Variants in NCKAP1 observed in about 807,000 individuals in gnomAD.
The protein encoded by NCKAP1 is NCK associated protein 1.
In NCKAP1, 21 loss-of-function variants were observed where a neutral mutation model predicts 151.2. The ratio of observed to expected loss-of-function variants is 0.14; its 90% CI spans 0.10 to 0.20. NCKAP1 has a LOEUF of 0.20. Ranked by LOEUF, NCKAP1 falls within the 10% of genes least tolerant of loss-of-function variation. NCKAP1 has a pLI of 1.00. For synonymous variants in NCKAP1, 484 were observed against 451.8 expected (o/e 1.07, Z -0.90); for missense variants, 933 against 1,352.1 (o/e 0.69, Z 4.86).
chr2:182,960,869 C>T (rs559332340), intron 18 of NCKAP1, among the ~76,000 whole-genome samples: 19 of 151,896 alleles, frequency 1.3e-4, no homozygotes, highest in Admixed American at 3.9e-4. Context: ...CTACAATGAA[C>T]TCAAACAAAT....
At chr2:182,928,930 G>T in intron 27 of NCKAP1, 31 bp from the exon 28 acceptor site, 1 of 1,382,816 alleles carries the variant, frequency 7.2e-7, no homozygotes, top group Non-Finnish European at 1.0e-6. Context: ...ATAAAATCAA[G>T]GTATTTCTTC....
intron 24 of NCKAP1, 92 bp downstream of exon 24, chr2:182,941,978 T>C: frequency 2.1e-6 from 2 of 962,468 alleles, no homozygotes; most frequent in Admixed American, 2.3e-5. Context: ...CATAATTTAC[T>C]ACTTGTATTT....
At chr2:182,973,710 C>T (rs1353499695) in intron 15 of NCKAP1, among the ~76,000 whole-genome samples, 1 of 152,164 alleles carries the variant, frequency 6.6e-6, no homozygotes, top group Admixed American at 6.5e-5. Context: ...GCACTTCTAC[C>T]TGAAACCAAA....
chr2:182,978,308 T>C (rs1276932002), intron 14 of NCKAP1, among the ~76,000 whole-genome samples: 2 of 152,220 alleles, frequency 1.3e-5, no homozygotes, highest in Non-Finnish European at 2.9e-5. Context: ...AAGGTGATTA[T>C]ATGACATCAA....
chr2:182,960,249 A>G (rs1362025739), intron 18 of NCKAP1, among the ~76,000 whole-genome samples: 1 of 152,196 alleles, frequency 6.6e-6, no homozygotes, highest in Non-Finnish European at 1.5e-5. Context: ...TTCATATGGA[A>G]CCAAAAAAGA....
At chr2:183,011,027 C>G (rs1698581265) in intron 2 of NCKAP1, among the ~76,000 whole-genome samples, 1 of 152,178 alleles carries the variant, frequency 6.6e-6, no homozygotes. Flanking sequence ...AAGATGGCCT[C>G]AGATGCTACT....
chr2:183,036,804 A>C (rs1474685808), intron 1 of NCKAP1, among the ~76,000 whole-genome samples: 2 of 149,786 alleles, frequency 1.3e-5, no homozygotes, highest in Admixed American at 6.6e-5. Context: ...AAACGCTTGG[A>C]AATGAATTTC....
At chr2:182,979,500 A>G (rs1697895000) in intron 13 of NCKAP1, among the ~76,000 whole-genome samples, 1 of 152,134 alleles carries the variant, frequency 6.6e-6, no homozygotes, top group Admixed American at 6.5e-5. Context: ...ATTCCTTTTA[A>G]AAAGTGGATG....
intron 17 of NCKAP1, among the ~76,000 whole-genome samples, chr2:182,962,970 T>C (rs958576040): frequency 2.0e-5 from 3 of 152,096 alleles, no homozygotes; most frequent in African/African-American, 7.2e-5. Flanking sequence ...GCACTACACA[T>C]TTCTAATACT....
intron 23 of NCKAP1, among the ~76,000 whole-genome samples, chr2:182,950,704 C>G (rs1258878025): frequency 6.6e-6 from 1 of 152,098 alleles, no homozygotes; most frequent in Admixed American, 6.6e-5. Flanking sequence ...AGACATTATG[C>G]TGAGTACCTA....
intron 2 of NCKAP1, among the ~76,000 whole-genome samples, chr2:183,023,362 A>G (rs1048416520): frequency 6.6e-6 from 1 of 152,152 alleles, no homozygotes; most frequent in Non-Finnish European, 1.5e-5. Context: ...TTTAGAAATC[A>G]TTGTCAATTA....
At chr2:182,966,809 T>C (rs1697581719) in intron 16 of NCKAP1, among the ~76,000 whole-genome samples, 2 of 152,222 alleles carry the variant, frequency 1.3e-5, no homozygotes, top group African/African-American at 4.8e-5. Flanking sequence ...ATCATCTTCA[T>C]ATTAATGTTT....
intron 8 of NCKAP1, among the ~76,000 whole-genome samples, chr2:182,991,892 A>G (rs1208925218): frequency 1.3e-5 from 2 of 152,186 alleles, no homozygotes; most frequent in Admixed American, 1.3e-4. Flanking sequence ...GTATCAGGAT[A>G]ATTAATTTTA....
At chr2:182,970,624 A>T (rs1408399344) in intron 15 of NCKAP1, among the ~76,000 whole-genome samples, 1 of 152,190 alleles carries the variant, frequency 6.6e-6, no homozygotes, top group East Asian at 1.9e-4. Context: ...GAAGAAAACA[A>T]TAAAGGCCAT....
chr2:182,924,808 T>A lies in NCKAP1; in HGVS notation c.*894A>T, dbSNP rs1696609308. On this transcript the variant is annotated 3_prime_UTR_variant, in exon 31 of 31. Transcript: ENST00000361354. ...TAGACATTCCTAAACCATTATTTTT[T>A]ATATTTCAAACTAAGTTTAAACAAA... is the stretch of plus-strand genomic sequence containing the variant. 6.6e-6 allele frequency: 1 copy of A among 152,174 alleles called. No homozygotes were observed. Among genetic ancestry groups the A allele is most frequent in the African/African-American group, 2.4e-5 (1 of 41,450 alleles). The allele number at this position is 152,174 out of a possible 1,614,324, so 9.4% of individuals were successfully genotyped here.
chr2:182,926,936 T>C (rs1198467243), intron 29 of NCKAP1, 31 bp from the exon 30 acceptor site: 1 of 1,448,886 alleles, frequency 6.9e-7, no homozygotes, highest in East Asian at 2.3e-5. Flanking sequence ...TAAAGTGAGT[T>C]TGTTAATAAA....
Position 182,953,685 on chromosome 2 carries a change from C to T in NCKAP1, c.2154-354G>A, listed in dbSNP as rs138126303. On this transcript the variant is annotated intron_variant, in intron 20 of 30. Coordinates refer to ENST00000361354, the MANE Select transcript of NCKAP1 (RefSeq NM_013436.5). ...GCCTGGCACATGCCTGTAATCCTGG[C>T]TACTTGGGAGGTTGAGACAGGAGAA... is the stretch of plus-strand genomic sequence containing the variant. 2.2e-3 allele frequency among the ~76,000 whole-genome samples: 331 copies of T among 152,074 alleles called. 2 individuals are homozygous for T. Among genetic ancestry groups the T allele is most frequent in the African/African-American group, 7.7e-3 (321 of 41,494 alleles).
intron 2 of NCKAP1, among the ~76,000 whole-genome samples, chr2:183,019,419 C>T (rs1459437180): frequency 6.6e-6 from 1 of 152,094 alleles, no homozygotes; most frequent in Non-Finnish European, 1.5e-5. Flanking sequence ...CATTTGCTTA[C>T]ATTGCCTTTT....
At chr2:183,029,289 C>T (rs1343754960) in intron 1 of NCKAP1, among the ~76,000 whole-genome samples, 1 of 152,072 alleles carries the variant, frequency 6.6e-6, no homozygotes, top group African/African-American at 2.4e-5. Flanking sequence ...AAACATCAAG[C>T]CTAGACCCTA....
Sources: gnomAD v4.1 joint callset for allele counts (sites outside exome capture counted in the v4.1 genomes callset) on GRCh38, gnomAD v4.1.1 for gene constraint, MANE v1.5 for transcripts, NCBI Gene and HGNC (gene_info 2026-07-23, HGNC 2026-07-21) for gene names.